LIN7C: variants seen among roughly 807,000 people sequenced by gnomAD.
LIN7C encodes the protein protein lin-7 homolog C.
Under a neutral mutation model 24.7 loss-of-function variants are expected in LIN7C, and 17 were observed. The ratio of observed to expected loss-of-function variants is 0.69; its 90% CI spans 0.47 to 1.03. The LOEUF (loss-of-function observed/expected upper bound fraction) is 1.03. LIN7C is among the 50% of genes least tolerant of loss of function. The probability of loss-of-function intolerance (pLI) is 0.00; values close to 1 mark genes in which losing one functional copy is unlikely to be tolerated. For missense variants in LIN7C, 204 were observed against 239.0 expected (o/e 0.85, Z 0.97); for synonymous variants, 90 against 83.4 (o/e 1.08, Z -0.43).
chr11:27,504,308 T>G (rs540944000), intron 1 of LIN7C, among the ~76,000 whole-genome samples: 1 of 152,028 alleles, frequency 6.6e-6, no homozygotes, highest in Admixed American at 6.5e-5. Context: ...AAATTTCCAG[T>G]GAAGAAAAAA....
Position 27,496,381 on chromosome 11 carries a change from C to T in LIN7C, c.*2268G>A, listed in dbSNP as rs965510024. The T allele has an allele frequency of 2.0e-5, 3 of 152,270 alleles. No homozygotes were observed. The highest frequency in any genetic ancestry group is 1.9e-4 in the East Asian group (1 of 5,190). 9.4% of individuals were successfully genotyped at this position (152,270 alleles called of 1,614,324 possible). ...CTTACTATGTACCTAGTTTTATTCA[C>T]GAATCATCCATTTCTAAGATAAAAA... On this transcript the variant is annotated 3_prime_UTR_variant, in exon 5 of 5. Transcript: ENST00000278193.
intron 1 of LIN7C, among the ~76,000 whole-genome samples, chr11:27,505,403 C>T (rs1865270312): frequency 6.6e-6 from 1 of 152,226 alleles, no homozygotes; most frequent in African/African-American, 2.4e-5. Flanking sequence ...AAAAAACTTA[C>T]TCCTGTTAAC....
chr11:27,498,879 A>G, intron 4 of LIN7C, 75 bp from the exon 5 acceptor site: 1 of 1,266,424 alleles, frequency 7.9e-7, no homozygotes, highest in Non-Finnish European at 1.1e-6. Flanking sequence ...AAAAATGTTT[A>G]CAATATATAT....
intron 1 of LIN7C, among the ~76,000 whole-genome samples, chr11:27,504,683 T>C (rs553893642): frequency 1.3e-5 from 2 of 152,322 alleles, no homozygotes; most frequent in African/African-American, 2.4e-5. Flanking sequence ...TAAAATGATA[T>C]AGTATTGGCA....
chr11:27,501,692 T>A (rs1305504529), intron 2 of LIN7C, 110 bp downstream of exon 2: 1 of 896,034 alleles, frequency 1.1e-6, no homozygotes, highest in African/African-American at 1.7e-5. Flanking sequence ...TGAGAGGGAC[T>A]GGTTTTAATG....
At chr11:27,501,407 A>C in intron 3 of LIN7C, 88 bp downstream of exon 3, 1 of 833,512 alleles carries the variant, frequency 1.2e-6, no homozygotes, top group African/African-American at 1.8e-5. Flanking sequence ...TTAGTCTTCA[A>C]AGTAAGTTTA....
chr11:27,505,489 A>G (rs927416609), intron 1 of LIN7C, among the ~76,000 whole-genome samples: 2 of 152,236 alleles, frequency 1.3e-5, no homozygotes, highest in African/African-American at 4.8e-5. Context: ...ACTTAGGCCT[A>G]ACTCGGCAAG....
In LIN7C at chr11:27,498,462, C is replaced by T. The variant is rs901064109; in HGVS notation, c.*187G>A. ...CTCATCACCTTTTACTTTTTCTTGT[C>T]AGAAAAAAGTGTATGCATCTCTGGA... On this transcript the variant is annotated 3_prime_UTR_variant, in exon 5 of 5. Transcript: ENST00000278193. 8 of 541,254 alleles carry T rather than the reference C, an allele frequency of 1.5e-5. No individual in the cohort carries two copies. Among genetic ancestry groups the T allele is most frequent in the Non-Finnish European group, 2.2e-5 (7 of 320,490 alleles). The allele number at this position is 541,254 out of a possible 1,614,324, so 33.5% of individuals were successfully genotyped here.
chr11:27,505,484 G>C (rs1279161129), intron 1 of LIN7C, among the ~76,000 whole-genome samples: 4 of 152,174 alleles, frequency 2.6e-5, no homozygotes, highest in Non-Finnish European at 4.4e-5. Flanking sequence ...CAGAGACTTA[G>C]GCCTAACTCG....
At chr11:27,505,200 C>T (rs1041975370) in intron 1 of LIN7C, among the ~76,000 whole-genome samples, 5 of 152,100 alleles carry the variant, frequency 3.3e-5, no homozygotes, top group African/African-American at 1.2e-4. Flanking sequence ...GGTTTGGCGG[C>T]GTTCGCCTGC....
rs1212749671 is a variant in LIN7C, at chr11:27,498,300, CTT to C, written c.*347_*348del. The C allele has an allele frequency of 1.8e-5, 3 of 163,484 alleles. No homozygotes were observed. The highest frequency in any genetic ancestry group is 6.4e-5 in the Admixed American group (1 of 15,572). The allele number at this position is 163,484 out of a possible 1,614,324, so 10.1% of individuals were successfully genotyped here. On this transcript the variant is annotated 3_prime_UTR_variant, in exon 5 of 5. Transcript: ENST00000278193. ...TAAATCAGCAGCTAAATGAAGAAAA[CTT>C]TTCCTTTCTAAAAAAAGATTAAGAA...
chr11:27,501,552 G>T lies in LIN7C; in HGVS notation c.171C>A (p.Val57=). 6.3e-7 allele frequency: 1 copy of T among 1,593,936 alleles called. No homozygotes were observed. Among genetic ancestry groups the T allele is most frequent in the Non-Finnish European group, 8.5e-7 (1 of 1,171,488 alleles). Residue 57 remains valine, a synonymous_variant, in exon 3 of 5, where the codon GTC becomes GTA. Transcript: ENST00000278193. The part of the protein sequence containing the change: ...CNAVREVYEH[V]YETVDISSSP... Reference sequence around the variant, plus strand: ...TGCTACTGATGTCCACAGTCTCATAGACATGTTCATATACCTGTAAAAGCC... The same window carrying T: ...TGCTACTGATGTCCACAGTCTCATATACATGTTCATATACCTGTAAAAGCC...
intron 3 of LIN7C, 124 bp downstream of exon 3, chr11:27,501,371 A>T (rs1865224363): frequency 1.5e-6 from 1 of 656,056 alleles, no homozygotes. Context: ...TACTTGAGAA[A>T]TTTGGTGTAG....
chr11:27,499,578 A>G lies in LIN7C; in HGVS notation c.229-10T>C. 1 of 1,605,428 alleles carries G rather than the reference A, an allele frequency of 6.2e-7. No homozygotes were observed. The highest frequency in any genetic ancestry group is 8.5e-7 in the Non-Finnish European group (1 of 1,174,754). The stretch of plus-strand genomic sequence containing the variant: ...ATGCAGCAACAGTAGCCTGAAAGAA[A>G]GTTTTACATATTAAAAATATGACTT... On this transcript the variant is annotated splice_polypyrimidine_tract_variant and intron_variant, in intron 3 of 4. Transcript: ENST00000278193.
Position 27,497,610 on chromosome 11 carries a change from G to C in LIN7C, c.*1039C>G, listed in dbSNP as rs574715204. 33 of 152,498 alleles carry C rather than the reference G, an allele frequency of 2.2e-4. No individual in the cohort carries two copies. Among genetic ancestry groups the C allele is most frequent in the African/African-American group, 7.7e-4 (32 of 41,550 alleles). The allele number at this position is 152,498 out of a possible 1,614,324, so 9.4% of individuals were successfully genotyped here. ...GAATACTTCACATCATAATTTCTAT[G>C]TATCTTAAATATATCCTCTTTTCTT... On this transcript the variant is annotated 3_prime_UTR_variant, in exon 5 of 5. Transcript: ENST00000278193.
At chr11:27,505,657 T>G (rs1379544619) in intron 1 of LIN7C, among the ~76,000 whole-genome samples, 4 of 152,250 alleles carry the variant, frequency 2.6e-5, no homozygotes, top group Non-Finnish European at 1.5e-5. Context: ...GAAAGAGGTT[T>G]TTCTAAGTAC....
In LIN7C at chr11:27,501,419, T is replaced by C. The variant is rs986503674; in HGVS notation, c.228+76A>G. On this transcript the variant is annotated intron_variant, in intron 3 of 4. Coordinates refer to ENST00000278193, the MANE Select transcript of LIN7C (RefSeq NM_018362.4). ...ATGTTAGTCTTCAAAGTAAGTTTAT[T>C]ATGAATTTAATAACTCCATATTTTA... 22 of 915,376 alleles carry C rather than the reference T, an allele frequency of 2.4e-5. No individual in the cohort carries two copies. The African/African-American group carries it at 3.2e-4, about 13-fold the overall frequency. The allele number at this position is 915,376 out of a possible 1,614,324, so 56.7% of individuals were successfully genotyped here.
chr11:27,505,068 C>T (rs918751460), intron 1 of LIN7C, among the ~76,000 whole-genome samples: 19 of 152,258 alleles, frequency 1.2e-4, no homozygotes, highest in African/African-American at 4.1e-4. Context: ...TGCAGTGGCT[C>T]ACGCCTGTAA....
At chr11:27,505,896 T>C (rs1452338972) in intron 1 of LIN7C, among the ~76,000 whole-genome samples, 1 of 151,920 alleles carries the variant, frequency 6.6e-6, no homozygotes, top group African/African-American at 2.4e-5. Flanking sequence ...AGGGACAGAG[T>C]GGAATGCTGG....
Sources: allele counts gnomAD v4.1 joint callset (sites outside exome capture counted in the v4.1 genomes callset), GRCh38; gene constraint gnomAD v4.1.1; transcripts MANE v1.5; gene names NCBI Gene and HGNC (gene_info 2026-07-23, HGNC 2026-07-21).